The following CSNK1G1 variants were observed in gnomAD, a reference collection of about 807,000 sequenced individuals.
The protein encoded by CSNK1G1 is casein kinase 1 gamma 1.
A neutral mutation model predicts 59.6 loss-of-function variants in CSNK1G1; 22 were observed. The ratio of observed to expected loss-of-function variants is 0.37; its 90% CI spans 0.26 to 0.53. The LOEUF is 0.53. CSNK1G1 is among the 20% of genes least tolerant of loss of function. CSNK1G1 has a pLI of 0.89. For synonymous variants in CSNK1G1, 179 were observed against 177.1 expected (o/e 1.01, Z -0.08); for missense variants, 384 against 519.5 (o/e 0.74, Z 2.54).
rs2081617955 is a variant in CSNK1G1, at chr15:64,167,688, T to G, written c.*4243A>C. 6.6e-6 allele frequency: 1 copy of G among 152,644 alleles called. No homozygotes were observed. Among genetic ancestry groups the G allele is most frequent in the Non-Finnish European group, 1.5e-5 (1 of 68,042 alleles). 9.5% of individuals were successfully genotyped at this position (152,644 alleles called of 1,614,324 possible). A position where few individuals can be genotyped will look rare whatever the true frequency, so the allele number is the denominator to read the frequency against. ...GGTTCTGACACTGGAGACAATGTTG[T>G]TAGGGCAACTCAATGGGAATGGAGA... On this transcript the variant is annotated 3_prime_UTR_variant, in exon 12 of 12. Transcript: ENST00000303052.
chr15:64,311,003 C>CA (rs138869466), intron 1 of CSNK1G1, among the ~76,000 whole-genome samples: 23 of 125,510 alleles, frequency 1.8e-4, no homozygotes, highest in Middle Eastern at 4.0e-3. Context: ...GACTCCATCT[C>CA]AAAAAAAAAA....
intron 10 of CSNK1G1, among the ~76,000 whole-genome samples, chr15:64,202,609 C>A (rs1025568836): frequency 1.3e-5 from 2 of 150,642 alleles, no homozygotes; most frequent in Non-Finnish European, 2.9e-5. Context: ...AGTGCAAATG[C>A]GGAAGCAATC....
At chr15:64,199,568 G>C (rs1251357858) in intron 10 of CSNK1G1, among the ~76,000 whole-genome samples, 1 of 152,084 alleles carries the variant, frequency 6.6e-6, no homozygotes, top group East Asian at 1.9e-4. Context: ...TTTTAAGATA[G>C]TCTAGGACGG....
chr15:64,217,619 A>G (rs2082329215), intron 4 of CSNK1G1, among the ~76,000 whole-genome samples: 1 of 152,064 alleles, frequency 6.6e-6, no homozygotes. Context: ...AGAGTTTGAG[A>G]CCAGCCTGGC....
rs1322103730 is a variant in CSNK1G1 at position 64,347,964 on chromosome 15, C to T, written c.-225+8024G>A. Among the ~76,000 whole-genome samples, 3 of 151,534 alleles carry T rather than the reference C, an allele frequency of 2.0e-5. No individual in the cohort carries two copies. The South Asian group carries it at 6.2e-4, about 31-fold the overall frequency. On this transcript the variant is annotated intron_variant, in intron 1 of 11. Transcript: ENST00000303052. ...GAGGTTTCAGTGAGCTGATATCCCG[C>T]CACTGCACTCCAGCCTGGCGACAGA... is the stretch of plus-strand genomic sequence containing the variant.
At position 64,309,776 on chromosome 15, in the gene CSNK1G1, T is replaced by C. The variant is rs538130056; in HGVS notation, c.-224-9053A>G. 7.9e-5 allele frequency among the ~76,000 whole-genome samples: 12 copies of C among 152,278 alleles called. No individual in the cohort carries two copies. In the South Asian group the frequency reaches 2.5e-3, roughly 32 times the overall value. ...AACCCAAATTTTCACCCATTTTAAA[T>C]GGCGTGAGAGAACATCAAAAGATGA... On this transcript the variant is annotated intron_variant, in intron 1 of 11. Transcript: ENST00000303052.
chr15:64,221,607 A>T (rs186317109), intron 4 of CSNK1G1, among the ~76,000 whole-genome samples: 10 of 151,876 alleles, frequency 6.6e-5, no homozygotes, highest in African/African-American at 2.2e-4. Flanking sequence ...CCAGTGTAGA[A>T]AAAGCTCAAG....
rs1000553696 is a variant in CSNK1G1 at position 64,281,643 on chromosome 15, G to C, written c.181+18676C>G. Reference sequence around the variant, plus strand: ...ACCTGAGGTCAGGAGTTCAAGGCCAGTCTGGCCTACATGGCAAAACCCCAT... The same window carrying C: ...ACCTGAGGTCAGGAGTTCAAGGCCACTCTGGCCTACATGGCAAAACCCCAT... On this transcript the variant is annotated intron_variant, in intron 2 of 11. Coordinates refer to ENST00000303052, the MANE Select transcript of CSNK1G1 (RefSeq NM_022048.5). 3.9e-5 allele frequency among the ~76,000 whole-genome samples: 6 copies of C among 152,182 alleles called. No homozygotes were observed. The East Asian group carries it at 1.2e-3, about 29-fold the overall frequency.
intron 1 of CSNK1G1, among the ~76,000 whole-genome samples, chr15:64,352,447 C>CTTCTTT (rs1566958699): frequency 7.1e-4 from 63 of 88,976 alleles, no homozygotes; most frequent in Non-Finnish European, 1.0e-3. Flanking sequence ...TTGAATTCTT[C>CTTCTTT]TTTTTTTTTT....
rs541759511 is a variant in CSNK1G1, at chr15:64,234,115, A to G, written c.292+17397T>C. On this transcript the variant is annotated intron_variant, in intron 4 of 11. Coordinates refer to ENST00000303052, the MANE Select transcript of CSNK1G1 (RefSeq NM_022048.5). ...TATACTGATCAGGTTCTTGCTACTA[A>G]CTCACCAAATCAGGCACACTTTTAT... 5.9e-5 allele frequency among the ~76,000 whole-genome samples: 9 copies of G among 152,096 alleles called. No individual in the cohort carries two copies. In the East Asian group the frequency reaches 1.4e-3, roughly 23 times the overall value.
intron 7 of CSNK1G1, 69 bp downstream of exon 7, chr15:64,207,437 TGAA>T (rs755337597): frequency 8.6e-5 from 99 of 1,154,924 alleles, no homozygotes; most frequent in Non-Finnish European, 1.2e-4. Context: ...CTTAAAAACA[TGAA>T]GCCAGAGGCT....
chr15:64,292,623 G>C (rs543565112), intron 2 of CSNK1G1, among the ~76,000 whole-genome samples: 54 of 152,196 alleles, frequency 3.5e-4, no homozygotes, highest in African/African-American at 1.3e-3. Flanking sequence ...CCCCTATGTG[G>C]ATGTGAAAGA....
intron 2 of CSNK1G1, among the ~76,000 whole-genome samples, chr15:64,291,676 A>G (rs1235957637): frequency 6.6e-6 from 1 of 152,250 alleles, no homozygotes. Context: ...GCAGAATCAT[A>G]CCTTTCAAAC....
chr15:64,231,089 G>C (rs1274058806), intron 4 of CSNK1G1, among the ~76,000 whole-genome samples: 1 of 151,774 alleles, frequency 6.6e-6, no homozygotes, highest in Non-Finnish European at 1.5e-5. Flanking sequence ...CACTTTGGGA[G>C]GCTGAGGCAG....
At chr15:64,319,369 T>C (rs1356482513) in intron 1 of CSNK1G1, among the ~76,000 whole-genome samples, 15 of 152,176 alleles carry the variant, frequency 9.9e-5, no homozygotes, top group Non-Finnish European at 1.2e-4. Context: ...AAAACGCATC[T>C]ACTCTCAAAG....
In CSNK1G1 at chr15:64,216,922, A is replaced by G. The variant is rs189968985; in HGVS notation, c.293-209T>C. ...GGGAAAGGCTAAGTCATTGCACAAT[A>G]CGTTCAAATGAGTAGTTATTTAATA... is the stretch of plus-strand genomic sequence containing the variant. On this transcript the variant is annotated intron_variant, in intron 4 of 11. Transcript: ENST00000303052. This position sits in a 1 kb window ranked among gnomAD's most constrained non-coding sequence, Gnocchi z 4.6. 3.3e-5 allele frequency among the ~76,000 whole-genome samples: 5 copies of G among 152,374 alleles called. No individual in the cohort carries two copies. In the East Asian group the frequency reaches 9.6e-4, roughly 29 times the overall value.
chr15:64,274,848 T>C (rs1293874122), intron 2 of CSNK1G1, among the ~76,000 whole-genome samples: 1 of 152,200 alleles, frequency 6.6e-6, no homozygotes, highest in African/African-American at 2.4e-5. Context: ...GAGCTCCAGC[T>C]GTCACATTTT....
Position 64,171,942 on chromosome 15 carries a change from G to C in CSNK1G1, c.1258C>G (p.Arg420Gly), listed in dbSNP as rs774148858. 6.2e-7 allele frequency: 1 copy of C among 1,614,020 alleles called. No individual in the cohort carries two copies. Among genetic ancestry groups the C allele is most frequent in the Non-Finnish European group, 8.5e-7 (1 of 1,179,908 alleles). The change falls in exon 12 of 12, where the codon CGC becomes GGC. Residue 420 changes from arginine (R) to glycine (G), a missense_variant. Transcript: ENST00000303052. This position sits in a 1 kb window ranked among gnomAD's most constrained non-coding sequence, Gnocchi z 4.8. ...FKRKRKKTAQ[R>G]HK ...CTGGGAGGCACTGGTCACTTGTGGC[G>C]CTGAGCAGTCTTCTTCCTTTTCCTC... is the stretch of plus-strand genomic sequence containing the variant.
At chr15:64,321,384 C>T (rs770184540) in intron 1 of CSNK1G1, among the ~76,000 whole-genome samples, 29 of 151,722 alleles carry the variant, frequency 1.9e-4, no homozygotes, top group Admixed American at 3.3e-4. Context: ...GCTTTCCCCG[C>T]AGATGGGACC....
Sources: gnomAD v4.1 joint callset for allele counts (sites outside exome capture counted in the v4.1 genomes callset) on GRCh38, gnomAD v4.1.1 for gene constraint, Gnocchi (gnomAD v3.1) non-coding constraint, MANE v1.5 for transcripts, NCBI Gene and HGNC (gene_info 2026-07-23, HGNC 2026-07-21) for gene names.